Variants in HEPH observed in about 807,000 individuals in gnomAD.
HEPH encodes the protein hephaestin.
Under a neutral mutation model 80.8 loss-of-function variants are expected in HEPH, and 69 were observed. The ratio of observed to expected loss-of-function variants is 0.85; its 90% confidence interval spans 0.70 to 1.04. The LOEUF is 1.04. Among genes scored for constraint, HEPH ranks in the 50% least tolerant of loss-of-function variants. The pLI is 0.00. For missense variants in HEPH, 1,115 were observed against 891.3 expected (o/e 1.25, Z -3.20); for synonymous variants, 431 against 322.8 (o/e 1.34, Z -3.60).
At chrX:66,222,059 C>T (rs2089674340) in intron 15 of HEPH, among the ~76,000 whole-genome samples, 1 of 112,908 alleles carries the variant, frequency 8.9e-6, no homozygotes, top group Non-Finnish European at 1.9e-5. Context: ...GAAGGTCTAC[C>T]ACAATACCAC....
intron 18 of HEPH, among the ~76,000 whole-genome samples, chrX:66,259,706 G>A (rs1318243148): frequency 1.9e-5 from 2 of 104,245 alleles, no homozygotes; most frequent in Non-Finnish European, 3.9e-5. Flanking sequence ...TATGAATAAA[G>A]TGGACTTTTT....
chrX:66,220,303 T>C (rs1437908392), intron 15 of HEPH, among the ~76,000 whole-genome samples: 1 of 111,696 alleles, frequency 9.0e-6, no homozygotes, highest in African/African-American at 3.3e-5. Flanking sequence ...ATTCAGTTTA[T>C]CATAGAAGGT....
At chrX:66,235,735 A>T in intron 15 of HEPH, among the ~76,000 whole-genome samples, 1 of 112,113 alleles carries the variant, frequency 8.9e-6, no homozygotes, top group Non-Finnish European at 1.9e-5. Flanking sequence ...TATTTGAAAA[A>T]TGGCATCTGT....
At chrX:66,216,109 G>C (rs933453790) in intron 15 of HEPH, among the ~76,000 whole-genome samples, 1 of 111,241 alleles carries the variant, frequency 9.0e-6, no homozygotes, top group African/African-American at 3.3e-5. Flanking sequence ...CTGCACTCCT[G>C]GTAGCCAAAG....
At position 66,166,073 on chromosome X, in the gene HEPH, A is replaced by G. The variant is rs746270098; in HGVS notation, c.-14+1603A>G. Among the ~76,000 whole-genome samples the G allele has an allele frequency of 6.2e-5, 7 of 112,095 alleles. No individual in the cohort carries two copies. The South Asian group carries it at 2.6e-3, about 42-fold the overall frequency. On this transcript the variant is annotated intron_variant, in intron 1 of 20. Transcript: ENST00000343002. ...TGAGGAAACTGAGGCTCAGGAAGTT[A>G]GGGACTTGTTCAAGGTTATATAACC...
chrX:66,221,642 C>T (rs2089652630), intron 15 of HEPH, among the ~76,000 whole-genome samples: 1 of 112,763 alleles, frequency 8.9e-6, no homozygotes, highest in African/African-American at 3.2e-5. Flanking sequence ...GTCCAACTGC[C>T]ATTTTTTTCT....
intron 20 of HEPH, among the ~76,000 whole-genome samples, chrX:66,266,130 T>C (rs903252573): frequency 9.2e-6 from 1 of 108,475 alleles, no homozygotes; most frequent in Non-Finnish European, 1.9e-5. Context: ...AAATTCATCT[T>C]TTTTTTTTAT....
chrX:66,242,984 C>G (rs956392235), intron 15 of HEPH, among the ~76,000 whole-genome samples: 1 of 111,863 alleles, frequency 8.9e-6, no homozygotes, highest in African/African-American at 3.2e-5. Context: ...AACGGAACTA[C>G]TGTTTGACCC....
intron 4 of HEPH, among the ~76,000 whole-genome samples, chrX:66,184,504 A>C (rs1169734575): frequency 3.2e-5 from 1 of 31,647 alleles, no homozygotes; most frequent in Non-Finnish European, 4.9e-5. Context: ...AGTCTGTTTT[A>C]TCAGAGACTA....
intron 15 of HEPH, among the ~76,000 whole-genome samples, chrX:66,253,477 G>A (rs1005631952): frequency 5.3e-5 from 6 of 112,344 alleles, no homozygotes; most frequent in African/African-American, 1.6e-4. Flanking sequence ...TAATTTTCAT[G>A]CAGATGTTGA....
At chrX:66,177,104 C>T (rs184372768) in intron 4 of HEPH, among the ~76,000 whole-genome samples, 23 of 111,517 alleles carry the variant, frequency 2.1e-4, no homozygotes, top group African/African-American at 7.5e-4. Context: ...CTACAATGAA[C>T]TCAAACAAAT....
chrX:66,257,996 A>G (rs1434887933), intron 17 of HEPH, among the ~76,000 whole-genome samples: 3 of 111,865 alleles, frequency 2.7e-5, no homozygotes, highest in Non-Finnish European at 5.6e-5. Context: ...CCATGCATTA[A>G]TATCATTATT....
At chrX:66,220,956 C>T (rs754298512) in intron 15 of HEPH, among the ~76,000 whole-genome samples, 16 of 111,208 alleles carry the variant, frequency 1.4e-4, no homozygotes, top group South Asian at 7.8e-4. Context: ...AATAATAGGA[C>T]TGTAGCACAT....
intron 2 of HEPH, chrX:66,171,295 G>A (rs996632940): frequency 1.0e-5 from 2 of 195,367 alleles, no homozygotes; most frequent in African/African-American, 6.2e-5. Context: ...TTATTTTATA[G>A]ATGAGAAAAC....
chrX:66,164,119 A>G, upstream of HEPH: 1 of 554,771 alleles, frequency 1.8e-6, no homozygotes, highest in Non-Finnish European at 2.2e-6. Flanking sequence ...GCAAGTCCTG[A>G]TAACAGAAGT....
At chrX:66,212,125 G>T (rs1458227848) in intron 15 of HEPH, among the ~76,000 whole-genome samples, 1 of 108,364 alleles carries the variant, frequency 9.2e-6, no homozygotes, top group Non-Finnish European at 1.9e-5. Flanking sequence ...ATACCTGTTG[G>T]CCATTTGTAT....
chrX:66,188,545 A>G lies in HEPH; in HGVS notation c.808+4A>G. 1 of 1,199,272 alleles carries G rather than the reference A, an allele frequency of 8.3e-7. No individual in the cohort carries two copies. Among genetic ancestry groups the G allele is most frequent in the Non-Finnish European group, 1.1e-6 (1 of 887,222 alleles). On this transcript the variant is annotated splice_donor_region_variant and intron_variant, in intron 5 of 20. Coordinates refer to ENST00000343002, the MANE Select transcript of HEPH (RefSeq NM_001367233.3). ...CAGGAGAGCAATAGGATGCATGGTG[A>G]GTTGGGAAAAGGTGGCCACATTGTG...
At chrX:66,187,318 G>T (rs1429865129) in intron 4 of HEPH, among the ~76,000 whole-genome samples, 1 of 110,702 alleles carries the variant, frequency 9.0e-6, no homozygotes, top group South Asian at 3.9e-4. Flanking sequence ...TTTTTGGGGT[G>T]TTAAAGAACC....
chrX:66,220,897 A>T (rs148534741), intron 15 of HEPH, among the ~76,000 whole-genome samples: 109 of 111,262 alleles, frequency 9.8e-4, no homozygotes, highest in Non-Finnish European at 1.3e-3. Flanking sequence ...GGATAGCATG[A>T]TACAAACAAG....
Sources: allele counts gnomAD v4.1 joint callset (sites outside exome capture counted in the v4.1 genomes callset), GRCh38; gene constraint gnomAD v4.1.1; transcripts MANE v1.5; gene names NCBI Gene and HGNC (gene_info 2026-07-23, HGNC 2026-07-21).